The following SEMA6D variants were observed in gnomAD, a reference collection of about 807,000 sequenced individuals.
SEMA6D encodes the protein semaphorin 6D.
Under a neutral mutation model 106.6 loss-of-function variants are expected in SEMA6D, and 35 were observed. The observed-to-expected ratio is 0.33, with a 90% CI of 0.25 to 0.44. The LOEUF is 0.44. Ranked by LOEUF, SEMA6D falls within the 20% of genes least tolerant of loss-of-function variation. The pLI, the probability that SEMA6D is intolerant of heterozygous loss-of-function variation, is 1.00. For missense variants in SEMA6D, 1,185 were observed against 1,345.9 expected, an observed-to-expected ratio of 0.88 and a Z score of 1.87; for synonymous variants, 499 against 487.7, an observed-to-expected ratio of 1.02 and a Z score of -0.31.
At chr15:47,377,580 A>T (rs1239542834) in intron 1 of SEMA6D, among the ~76,000 whole-genome samples, 1 of 152,196 alleles carries the variant, frequency 6.6e-6, no homozygotes, top group Non-Finnish European at 1.5e-5. Flanking sequence ...ACAAAAAATC[A>T]TTACTCAGTA....
At chr15:47,552,871 T>TATATAA (rs2045781768) in intron 3 of SEMA6D, among the ~76,000 whole-genome samples, 1 of 54,324 alleles carries the variant, frequency 1.8e-5, no homozygotes, top group African/African-American at 1.1e-4. Context: ...TATATTTTTA[T>TATATAA]ATATATATAA....
intron 1 of SEMA6D, among the ~76,000 whole-genome samples, chr15:47,236,705 A>T (rs1030521672): frequency 6.6e-6 from 1 of 152,158 alleles, no homozygotes; most frequent in Admixed American, 6.6e-5. Flanking sequence ...TAGTTAGGCT[A>T]AGGTCAATCA....
chr15:47,493,031 C>T (rs909537313), intron 3 of SEMA6D, among the ~76,000 whole-genome samples: 3 of 152,094 alleles, frequency 2.0e-5, no homozygotes, highest in African/African-American at 7.2e-5. Context: ...CCATGCTAAG[C>T]TGGAATGAAA....
At chr15:47,294,319 G>C (rs1158585111) in intron 1 of SEMA6D, among the ~76,000 whole-genome samples, 1 of 151,894 alleles carries the variant, frequency 6.6e-6, no homozygotes, top group Non-Finnish European at 1.5e-5. Flanking sequence ...TACCTCCCAG[G>C]TTCAAGCGAT....
intron 1 of SEMA6D, among the ~76,000 whole-genome samples, chr15:47,750,494 G>T (rs2081368862): frequency 6.6e-6 from 1 of 152,134 alleles, no homozygotes; most frequent in African/African-American, 2.4e-5. Flanking sequence ...TGCTGCCAGT[G>T]TCGGTGGGAG....
chr15:47,526,959 G>A (rs866760895), intron 3 of SEMA6D, among the ~76,000 whole-genome samples: 6 of 151,966 alleles, frequency 3.9e-5, no homozygotes, highest in South Asian at 2.1e-4. Flanking sequence ...GGCTGATCTC[G>A]AACTCCTGAG....
chr15:47,429,300 C>T (rs1437137827), intron 2 of SEMA6D, among the ~76,000 whole-genome samples: 3 of 152,164 alleles, frequency 2.0e-5, no homozygotes, highest in African/African-American at 7.2e-5. Context: ...TCCTCTTATA[C>T]AATGAGGTGC....
intron 3 of SEMA6D, among the ~76,000 whole-genome samples, chr15:47,511,818 A>G (rs2044241813): frequency 6.6e-6 from 1 of 152,082 alleles, no homozygotes; most frequent in Non-Finnish European, 1.5e-5. Context: ...TGAAAGCAAG[A>G]AGGGCTTTTG....
At chr15:47,397,778 G>T (rs1371153623) in intron 1 of SEMA6D, 1 of 152,150 alleles carries the variant, frequency 6.6e-6, no homozygotes, top group African/African-American at 2.4e-5. Context: ...ACATAACTAT[G>T]ATGTCATATA....
At chr15:47,451,679 G>T (rs914104465) in intron 2 of SEMA6D, among the ~76,000 whole-genome samples, 1 of 151,966 alleles carries the variant, frequency 6.6e-6, no homozygotes, top group Non-Finnish European at 1.5e-5. Flanking sequence ...AACAACTGGG[G>T]AATTCATATG....
chr15:47,658,251 C>A (rs1300825440), intron 4 of SEMA6D, among the ~76,000 whole-genome samples: 1 of 152,030 alleles, frequency 6.6e-6, no homozygotes, highest in Non-Finnish European at 1.5e-5. Context: ...ATCCTTTGAA[C>A]AACAGAAGTA....
At chr15:47,691,253 G>T (rs1051659135) in intron 4 of SEMA6D, among the ~76,000 whole-genome samples, 6 of 152,098 alleles carry the variant, frequency 3.9e-5, no homozygotes, top group Non-Finnish European at 8.8e-5. Context: ...AGAGTTTCAG[G>T]ATGATACCTG....
At chr15:47,184,435 C>G (rs1035635741) in intron 1 of SEMA6D, 3 of 152,414 alleles carry the variant, frequency 2.0e-5, no homozygotes, top group Non-Finnish European at 4.4e-5. Flanking sequence ...CTTCCCTTTT[C>G]TCTCCATTTC....
chr15:47,739,004 G>A (rs760626088), intron 1 of SEMA6D, among the ~76,000 whole-genome samples: 14 of 152,250 alleles, frequency 9.2e-5, no homozygotes, highest in Middle Eastern at 6.8e-3. Context: ...AGCTTAGGCT[G>A]TTTCATACTT....
chr15:47,552,818 ATATATATATTTT>A (rs2045756823), intron 3 of SEMA6D, among the ~76,000 whole-genome samples: 1 of 5,150 alleles, frequency 1.9e-4, no homozygotes, highest in Non-Finnish European at 2.7e-4. Flanking sequence ...ATATATATAA[ATATATATATTTT>A]TATATATATA....
chr15:47,571,052 C>G (rs2046368050), intron 3 of SEMA6D, among the ~76,000 whole-genome samples: 1 of 152,090 alleles, frequency 6.6e-6, no homozygotes, highest in African/African-American at 2.4e-5. Flanking sequence ...TAGGAAACAG[C>G]AAACTTGATC....
At chr15:47,364,963 C>A (rs1291032606) in intron 1 of SEMA6D, among the ~76,000 whole-genome samples, 1 of 152,190 alleles carries the variant, frequency 6.6e-6, no homozygotes, top group Non-Finnish European at 1.5e-5. Flanking sequence ...CAAGAAATTA[C>A]CCTTATCTTT....
chr15:47,720,679 T>G (rs1017809206), intron 1 of SEMA6D, among the ~76,000 whole-genome samples: 4 of 152,226 alleles, frequency 2.6e-5, no homozygotes, highest in Non-Finnish European at 5.9e-5. Flanking sequence ...AGAGCCTTGA[T>G]TCACAAAGAT....
rs183419290 is a variant in SEMA6D, at chr15:47,253,591, C to T, written c.-239+69173C>T. On this transcript the variant is annotated intron_variant, in intron 1 of 19. Coordinates refer to the SEMA6D transcript ENST00000558014. ...CCTCTGCATATGGATATCCAGTTTT[C>T]CCAGCACCATTTATTGAAAAGACTG... Among the ~76,000 whole-genome samples, 155 of 152,218 alleles carry T rather than the reference C, an allele frequency of 1.0e-3. 1 individual carries two copies. The highest frequency in any genetic ancestry group is 4.7e-3 in the Admixed American group (72 of 15,284).
Sources: allele counts gnomAD v4.1 joint callset (sites outside exome capture counted in the v4.1 genomes callset), GRCh38; gene constraint gnomAD v4.1.1; transcripts MANE v1.5; gene names NCBI Gene and HGNC (gene_info 2026-07-23, HGNC 2026-07-21).